The following COL25A1 variants were observed in gnomAD, a reference collection of about 807,000 sequenced individuals.
COL25A1 encodes the protein collagen alpha-1(XXV) chain.
COL25A1 carries 103 observed loss-of-function variants against 128.4 expected under a neutral mutation model. That is an observed-to-expected ratio of 0.80 (90% CI 0.68 to 0.94). The LOEUF is 0.94. Ranked by LOEUF, COL25A1 falls within the 40% of genes least tolerant of loss-of-function variation. The pLI, the probability that COL25A1 is intolerant of heterozygous loss-of-function variation, is 0.00. For synonymous variants in COL25A1, 279 were observed against 277.2 expected (o/e 1.01, Z -0.06); for missense variants, 745 against 840.0 (o/e 0.89, Z 1.40).
At chr4:109,200,251 G>C (rs2126179787) in intron 3 of COL25A1, among the ~76,000 whole-genome samples, 1 of 152,264 alleles carries the variant, frequency 6.6e-6, no homozygotes. Context: ...ACTTCCTTCA[G>C]TCTTTCCATG....
intron 11 of COL25A1, among the ~76,000 whole-genome samples, chr4:108,924,552 A>G (rs1429286619): frequency 6.6e-6 from 1 of 152,156 alleles, no homozygotes; most frequent in Admixed American, 6.6e-5. Flanking sequence ...ATACTTAAGA[A>G]TATCTCTATG....
intron 3 of COL25A1, among the ~76,000 whole-genome samples, chr4:109,097,870 G>A (rs1765540423): frequency 6.6e-6 from 1 of 151,632 alleles, no homozygotes; most frequent in Admixed American, 6.6e-5. Context: ...CACAATATTG[G>A]CCAGGATGGT....
intron 3 of COL25A1, among the ~76,000 whole-genome samples, chr4:109,113,340 A>G (rs1767205154): frequency 2.6e-5 from 4 of 152,126 alleles, no homozygotes; most frequent in Non-Finnish European, 2.9e-5. Context: ...TCACATTTTT[A>G]GGGAATTCCA....
At chr4:108,880,628 A>G (rs529329447) in intron 19 of COL25A1, among the ~76,000 whole-genome samples, 1 of 152,196 alleles carries the variant, frequency 6.6e-6, no homozygotes, top group South Asian at 2.1e-4. Flanking sequence ...AATTTTCACA[A>G]CAGCTCTCTG....
intron 8 of COL25A1, among the ~76,000 whole-genome samples, chr4:108,970,234 T>C (rs1751769281): frequency 6.6e-6 from 1 of 152,122 alleles, no homozygotes; most frequent in Admixed American, 6.5e-5. Context: ...CATTTGGTAA[T>C]AAGCACAGAT....
intron 8 of COL25A1, among the ~76,000 whole-genome samples, chr4:108,952,830 A>C (rs984406957): frequency 9.6e-5 from 10 of 104,298 alleles, no homozygotes; most frequent in Non-Finnish European, 1.6e-4. Flanking sequence ...GAAAAACTCA[A>C]CTTTTTTTTT....
At chr4:108,977,770 G>A (rs1180380632) in intron 6 of COL25A1, among the ~76,000 whole-genome samples, 1 of 152,132 alleles carries the variant, frequency 6.6e-6, no homozygotes, top group Non-Finnish European at 1.5e-5. Context: ...TAGTGTCTAA[G>A]GCAAACAGTT....
At chr4:109,032,495 GA>G (rs1758957135) in intron 5 of COL25A1, among the ~76,000 whole-genome samples, 2 of 152,272 alleles carry the variant, frequency 1.3e-5, no homozygotes, top group East Asian at 3.9e-4. Flanking sequence ...CAAGCAATTG[GA>G]AAATCTTTTG....
intron 13 of COL25A1, among the ~76,000 whole-genome samples, chr4:108,902,925 T>G (rs1387620926): frequency 6.6e-6 from 1 of 152,116 alleles, no homozygotes. Flanking sequence ...CTATGGAGTC[T>G]GCTTGCTTCA....
In COL25A1 at chr4:108,811,331, T is replaced by C. The variant is rs1730773056; in HGVS notation, c.*2596A>G. Reference sequence around the variant, plus strand: ...AATGAAAGTTTACAACCTCATTTAATCATGAAATAAGTTGATGTTGTCAAA... The same window carrying C: ...AATGAAAGTTTACAACCTCATTTAACCATGAAATAAGTTGATGTTGTCAAA... On this transcript the variant is annotated 3_prime_UTR_variant, in exon 38 of 38. Coordinates refer to ENST00000399132, the MANE Select transcript of COL25A1 (RefSeq NM_198721.4). 6.6e-6 allele frequency: 1 copy of C among 152,092 alleles called. No individual in the cohort carries two copies. The allele number at this position is 152,092 out of a possible 1,614,324, so 9.4% of individuals were successfully genotyped here. A position where few individuals can be genotyped will look rare whatever the true frequency, so the allele number is the denominator to read the frequency against.
At chr4:108,873,508 C>A (rs906671863) in intron 19 of COL25A1, among the ~76,000 whole-genome samples, 1 of 149,920 alleles carries the variant, frequency 6.7e-6, no homozygotes, top group East Asian at 2.0e-4. Flanking sequence ...TACAGGCTTA[C>A]AAATGTTAGC....
At chr4:109,070,730 C>T (rs1762874908) in intron 3 of COL25A1, among the ~76,000 whole-genome samples, 1 of 142,624 alleles carries the variant, frequency 7.0e-6, no homozygotes, top group African/African-American at 2.6e-5. Context: ...GTTCCCCTTC[C>T]TATGTCCAAG....
intron 8 of COL25A1, among the ~76,000 whole-genome samples, chr4:108,950,557 T>C (rs1560919441): frequency 1.3e-5 from 2 of 152,132 alleles, no homozygotes; most frequent in African/African-American, 4.8e-5. Context: ...CCAGAAAATA[T>C]ATTTTCCTTT....
chr4:108,874,159 G>A (rs1304888341), intron 19 of COL25A1, among the ~76,000 whole-genome samples: 4 of 152,186 alleles, frequency 2.6e-5, no homozygotes, highest in Non-Finnish European at 2.9e-5. Context: ...GCTGAAGTAC[G>A]ATTCAAAGGC....
At chr4:108,863,856 T>C (rs1055567386) in intron 20 of COL25A1, among the ~76,000 whole-genome samples, 2 of 152,176 alleles carry the variant, frequency 1.3e-5, no homozygotes, top group Non-Finnish European at 2.9e-5. Context: ...TTGGGACTTG[T>C]ACCAGTGCCC....
chr4:109,249,136 G>A (rs1374913302), intron 3 of COL25A1, among the ~76,000 whole-genome samples: 1 of 152,120 alleles, frequency 6.6e-6, no homozygotes, highest in Non-Finnish European at 1.5e-5. Flanking sequence ...TCAAATACCA[G>A]CTCCTCTAGG....
intron 3 of COL25A1, among the ~76,000 whole-genome samples, chr4:109,221,482 T>C (rs1230988336): frequency 6.6e-6 from 1 of 152,212 alleles, no homozygotes; most frequent in Non-Finnish European, 1.5e-5. Flanking sequence ...CAGAAACACA[T>C]CTGAACCTAG....
In COL25A1 at chr4:108,940,568, C is replaced by A. The variant is rs1205668803; in HGVS notation, c.643G>T (p.Asp215Tyr). 1 of 1,613,874 alleles carries A rather than the reference C, an allele frequency of 6.2e-7. No individual in the cohort carries two copies. ...ACTCCTGGCATTCCACGGGGGCCAT[C>A]TTTCCCTGTGTCCCCAGGTGGCCCT... ...PRGPPGDTGK[D>Y]GPRGMPGVPG... The change falls in exon 10 of 38, where the codon GAT becomes TAT. Residue 215 changes from aspartate (D) to tyrosine (Y), a missense_variant. Physicochemically the swap from Asp to Tyr is radical, Grantham distance 160. This residue lies in a region of COL25A1 where 319 missense variants were observed against 324.9 expected (regional missense o/e 0.98). Coordinates refer to ENST00000399132, the MANE Select transcript of COL25A1 (RefSeq NM_198721.4).
chr4:108,834,167 CAG>C (rs772904217), intron 31 of COL25A1, among the ~76,000 whole-genome samples: 8 of 152,190 alleles, frequency 5.3e-5, no homozygotes, highest in Admixed American at 2.0e-4. Flanking sequence ...GTTCTCCGGA[CAG>C]AGTTGCAACC....
Sources: gnomAD v4.1 joint callset for allele counts (sites outside exome capture counted in the v4.1 genomes callset) on GRCh38, gnomAD v4.1.1 for gene constraint, gnomAD v4.1.1 regional missense constraint, MANE v1.5 for transcripts, NCBI Gene and HGNC (gene_info 2026-07-23, HGNC 2026-07-21) for gene names.